CDH12: variants seen among roughly 807,000 people sequenced by gnomAD.
CDH12 encodes the protein cadherin-12.
In CDH12, 41 loss-of-function variants were observed where a neutral mutation model predicts 74.1. The observed-to-expected ratio is 0.55, with a 90% confidence interval of 0.43 to 0.72. The LOEUF is 0.72. CDH12 is among the 30% of genes least tolerant of loss of function. The pLI is 0.00. For missense variants in CDH12, 945 were observed against 977.2 expected (o/e 0.97, Z 0.44); for synonymous variants, 399 against 355.0 (o/e 1.12, Z -1.39).
chr5:22,565,103 T>G (rs538286132), intron 1 of CDH12, among the ~76,000 whole-genome samples: 2 of 152,076 alleles, frequency 1.3e-5, no homozygotes, highest in South Asian at 4.1e-4. Flanking sequence ...GCCCAGCTGA[T>G]TTTTGTATTC....
chr5:22,552,351 A>T (rs2126735384), intron 1 of CDH12, among the ~76,000 whole-genome samples: 1 of 152,192 alleles, frequency 6.6e-6, no homozygotes, highest in East Asian at 1.9e-4. Context: ...AGGTCCCTGC[A>T]ATTTAATTCA....
intron 1 of CDH12, among the ~76,000 whole-genome samples, chr5:22,585,091 A>G (rs1157136038): frequency 6.6e-6 from 1 of 152,214 alleles, no homozygotes; most frequent in African/African-American, 2.4e-5. Flanking sequence ...AATTATTTTC[A>G]AAAGTTAGAA....
chr5:22,294,494 A>G (rs1489931511), intron 3 of CDH12, among the ~76,000 whole-genome samples: 2 of 152,212 alleles, frequency 1.3e-5, no homozygotes, highest in African/African-American at 4.8e-5. Flanking sequence ...AGGGAAAGGC[A>G]TGAATGCTTA....
intron 4 of CDH12, among the ~76,000 whole-genome samples, chr5:22,202,316 C>A (rs1750973326): frequency 6.6e-6 from 1 of 151,976 alleles, no homozygotes; most frequent in South Asian, 2.1e-4. Flanking sequence ...ATTGGAGCAA[C>A]CATCAGCAGG....
chr5:22,702,647 T>C (rs1184333398), intron 1 of CDH12, among the ~76,000 whole-genome samples: 1 of 151,926 alleles, frequency 6.6e-6, no homozygotes, highest in Non-Finnish European at 1.5e-5. Flanking sequence ...TTTTTTCCCC[T>C]CCAGCTCGGT....
At chr5:22,360,314 T>A (rs1196898684) in intron 3 of CDH12, among the ~76,000 whole-genome samples, 4 of 152,034 alleles carry the variant, frequency 2.6e-5, no homozygotes, top group Non-Finnish European at 5.9e-5. Flanking sequence ...TCTACACAAA[T>A]AAACTAGAAA....
intron 1 of CDH12, among the ~76,000 whole-genome samples, chr5:22,782,289 G>T (rs7703490): frequency 0.063 from 9,524 of 152,104 alleles, 988 homozygotes; most frequent in African/African-American, 0.22. Flanking sequence ...AAATATCATC[G>T]TGAATTGTAA....
intron 3 of CDH12, among the ~76,000 whole-genome samples, chr5:22,285,446 AATTG>A (rs905442370): frequency 1.3e-5 from 2 of 152,118 alleles, no homozygotes; most frequent in African/African-American, 4.8e-5. Context: ...CTCTGTAAAT[AATTG>A]ATTGATTCAG....
chr5:22,621,813 A>T (rs1487876469), intron 1 of CDH12, among the ~76,000 whole-genome samples: 1 of 152,066 alleles, frequency 6.6e-6, no homozygotes, highest in Admixed American at 6.6e-5. Flanking sequence ...ATTGTGAATG[A>T]TTCTATAGCT....
chr5:22,094,180 T>A (rs1196085804), intron 4 of CDH12, among the ~76,000 whole-genome samples: 2 of 152,120 alleles, frequency 1.3e-5, no homozygotes, highest in African/African-American at 4.8e-5. Flanking sequence ...GCACACTCCT[T>A]TAAACATTCC....
chr5:22,560,239 A>C, intron 1 of CDH12, among the ~76,000 whole-genome samples: 1 of 152,146 alleles, frequency 6.6e-6, no homozygotes, highest in East Asian at 1.9e-4. Flanking sequence ...CAATTTCGTA[A>C]GTTTTCAATT....
At chr5:22,563,478 T>C (rs528540814) in intron 1 of CDH12, among the ~76,000 whole-genome samples, 78 of 152,286 alleles carry the variant, frequency 5.1e-4, no homozygotes, top group African/African-American at 1.8e-3. Context: ...TGGTTGTTAA[T>C]CTCCTGTCAG....
Position 21,833,136 on chromosome 5 carries a change from AT to A in CDH12, c.814+9024del, listed in dbSNP as rs371925251. Among the ~76,000 whole-genome samples, 7 of 24,048 alleles carry A rather than the reference AT, an allele frequency of 2.9e-4. 1 individual carries two copies. The South Asian group carries it at 6.0e-3, about 21-fold the overall frequency. 15.8% of individuals were successfully genotyped at this position (24,048 alleles called of 152,430 possible). ...ACATATAATATATATTATATTATAA[AT>A]ATATATTATATAACATATAATATAT... On this transcript the variant is annotated intron_variant, in intron 8 of 14. Coordinates refer to ENST00000382254, the MANE Select transcript of CDH12 (RefSeq NM_004061.5).
chr5:22,806,972 T>C (rs1359537211), intron 1 of CDH12, among the ~76,000 whole-genome samples: 1 of 152,210 alleles, frequency 6.6e-6, no homozygotes, highest in Non-Finnish European at 1.5e-5. Flanking sequence ...AGCTCTTTAG[T>C]TTAATTAGAT....
intron 6 of CDH12, among the ~76,000 whole-genome samples, chr5:21,892,509 A>T (rs939110533): frequency 1.1e-4 from 16 of 152,100 alleles, no homozygotes; most frequent in African/African-American, 3.9e-4. Flanking sequence ...ATTAATTTGG[A>T]TTGTAAAAGA....
intron 3 of CDH12, among the ~76,000 whole-genome samples, chr5:22,380,487 T>C (rs1385816003): frequency 2.0e-5 from 3 of 152,140 alleles, no homozygotes; most frequent in Admixed American, 6.6e-5. Flanking sequence ...ATTTTCAACA[T>C]ATACTTGTCA....
chr5:21,886,053 A>G (rs1392731314), intron 6 of CDH12, among the ~76,000 whole-genome samples: 1 of 152,138 alleles, frequency 6.6e-6, no homozygotes, highest in Middle Eastern at 3.2e-3. Context: ...TTTTTGGTTA[A>G]GCACCATTTT....
At chr5:22,820,371 T>C (rs1220634320) in intron 1 of CDH12, among the ~76,000 whole-genome samples, 1 of 152,000 alleles carries the variant, frequency 6.6e-6, no homozygotes, top group Non-Finnish European at 1.5e-5. Context: ...GATCAAATCA[T>C]GGGGTCTGGT....
At chr5:22,571,049 A>G (rs2126765784) in intron 1 of CDH12, among the ~76,000 whole-genome samples, 1 of 152,226 alleles carries the variant, frequency 6.6e-6, no homozygotes. Flanking sequence ...TCCTTCTCTC[A>G]GCCTTCAAAG....
Sources: gnomAD v4.1 joint callset for allele counts (sites outside exome capture counted in the v4.1 genomes callset) on GRCh38, gnomAD v4.1.1 for gene constraint, MANE v1.5 for transcripts, NCBI Gene and HGNC (gene_info 2026-07-23, HGNC 2026-07-21) for gene names.